Variants in TIAM2 observed in about 807,000 individuals in gnomAD.
TIAM2 encodes TIAM Rac1 associated GEF 2, also known as rho guanine nucleotide exchange factor TIAM2.
In TIAM2, 80 loss-of-function variants were observed where a neutral mutation model predicts 152.9. The observed-to-expected ratio is 0.52, with a 90% confidence interval of 0.44 to 0.63. The LOEUF (loss-of-function observed/expected upper bound fraction) is 0.63, where lower values mean the gene tolerates loss of function less well. TIAM2 is among the 30% of genes least tolerant of loss of function. TIAM2 has a pLI of 0.00. For missense variants in TIAM2, 1,965 were observed against 2,120.1 expected, an observed-to-expected ratio of 0.93 and a Z score of 1.44; for synonymous variants, 804 against 838.0, an observed-to-expected ratio of 0.96 and a Z score of 0.70.
At chr6:155,158,413 A>C (rs1449733170) in intron 7 of TIAM2, among the ~76,000 whole-genome samples, 1 of 152,168 alleles carries the variant, frequency 6.6e-6, no homozygotes, top group Non-Finnish European at 1.5e-5. Flanking sequence ...GTTCCCCTGT[A>C]ATTTTGTTAT....
intron 5 of TIAM2, among the ~76,000 whole-genome samples, chr6:155,143,974 G>T (rs1779768180): frequency 1.3e-5 from 2 of 152,102 alleles, no homozygotes; most frequent in South Asian, 2.1e-4. Flanking sequence ...ATCCCCACAG[G>T]TAGCTAGCTA....
chr6:155,102,090 G>C (rs1278412408), intron 2 of TIAM2, among the ~76,000 whole-genome samples: 1 of 151,850 alleles, frequency 6.6e-6, no homozygotes, highest in Non-Finnish European at 1.5e-5. Context: ...TCTGCCATCT[G>C]GGTTCAAGTG....
At chr6:155,233,385 C>T (rs567613013) in intron 15 of TIAM2, among the ~76,000 whole-genome samples, 87 of 152,058 alleles carry the variant, frequency 5.7e-4, no homozygotes, top group Non-Finnish European at 6.3e-4. Context: ...TTAGAAGGTT[C>T]ATCTGAGTGA....
intron 14 of TIAM2, among the ~76,000 whole-genome samples, chr6:155,194,312 G>T (rs1781282746): frequency 6.6e-6 from 1 of 152,194 alleles, no homozygotes; most frequent in African/African-American, 2.4e-5. Context: ...AGGTGACAAA[G>T]GGTCCACGGA....
At chr6:155,248,780 G>A (rs1415623540) in intron 20 of TIAM2, among the ~76,000 whole-genome samples, 1 of 152,192 alleles carries the variant, frequency 6.6e-6, no homozygotes, top group Non-Finnish European at 1.5e-5. Flanking sequence ...TCCTTAAAGA[G>A]GGGCTTTATT....
chr6:155,219,477 G>A (rs1438123827), intron 15 of TIAM2, among the ~76,000 whole-genome samples: 2 of 152,188 alleles, frequency 1.3e-5, no homozygotes, highest in East Asian at 3.8e-4. Context: ...TGTGGCACCA[G>A]CCCATATGCC....
At chr6:155,247,261 G>T (rs768287917) in intron 19 of TIAM2, among the ~76,000 whole-genome samples, 1 of 152,206 alleles carries the variant, frequency 6.6e-6, no homozygotes. Flanking sequence ...AAAAACACTG[G>T]TTTATTTTCC....
intron 1 of TIAM2, among the ~76,000 whole-genome samples, chr6:155,054,705 C>T (rs1053393655): frequency 2.6e-5 from 4 of 152,046 alleles, no homozygotes; most frequent in Non-Finnish European, 4.4e-5. Context: ...CCTCAGCCTC[C>T]TAGAAGTACA....
rs141221591 is a variant in TIAM2 at position 155,148,140 on chromosome 6, G to A, written c.1834G>A (p.Val612Ile). ...CAGCCAGACAGATCTAGAAAACTGG[G>A]TCACTGCTGTACACTCTGCTTGTGC... Reference protein sequence around the residue: ...ATSQTDLENWVTAVHSACASL... With the variant: ...ATSQTDLENWITAVHSACASL... The change falls in exon 7 of 27, where the codon GTC becomes ATC. Residue 612 changes from valine (V) to isoleucine (I), a missense_variant. By Grantham distance (29) the Val-to-Ile change is conservative. Around this residue, in one of 3 missense-constraint regions of TIAM2, gnomAD observed 1,025 missense variants for 1,119.4 expected, o/e 0.92. Transcript: ENST00000682666. 6.8e-6 allele frequency: 11 copies of A among 1,613,694 alleles called. No individual in the cohort carries two copies. The African/African-American group carries it at 1.2e-4, about 18-fold the overall frequency.
chr6:155,082,119 G>A (rs1288651446), intron 1 of TIAM2, among the ~76,000 whole-genome samples: 5 of 152,114 alleles, frequency 3.3e-5, no homozygotes, highest in African/African-American at 1.2e-4. Flanking sequence ...CGAGGTGGGA[G>A]GATCACTTGA....
rs764025047 is a variant in TIAM2, at chr6:155,124,735, G to A, written c.-117-2755G>A. Among the ~76,000 whole-genome samples the A allele has an allele frequency of 8.5e-5, 13 of 152,252 alleles. No homozygotes were observed. The East Asian group carries it at 2.1e-3, about 25-fold the overall frequency. On this transcript the variant is annotated intron_variant, in intron 2 of 26. Transcript: ENST00000682666. ...AGCAGTTGCTATCCCCTTTTTAGAC[G>A]TGTGACACAGCTGCCTACTAAAAGG...
intron 14 of TIAM2, among the ~76,000 whole-genome samples, chr6:155,207,526 G>A (rs1404345972): frequency 1.3e-5 from 2 of 152,204 alleles, no homozygotes; most frequent in East Asian, 1.9e-4. Flanking sequence ...CTGTCTTGGC[G>A]GATCTCAGGA....
At chr6:155,043,276 G>C (rs1267339420) in intron 1 of TIAM2, among the ~76,000 whole-genome samples, 1 of 152,126 alleles carries the variant, frequency 6.6e-6, no homozygotes, top group East Asian at 1.9e-4. Context: ...CTACACATGA[G>C]AATCGTCTGT....
chr6:155,253,385 A>G (rs576031271), intron 24 of TIAM2: 79 of 269,290 alleles, frequency 2.9e-4, no homozygotes, highest in African/African-American at 1.6e-3. Flanking sequence ...AATTTAGAAT[A>G]TAGCAGAAAA....
chr6:155,229,061 CCT>C (rs1782356979), intron 15 of TIAM2, among the ~76,000 whole-genome samples: 1 of 152,228 alleles, frequency 6.6e-6, no homozygotes, highest in African/African-American at 2.4e-5. Flanking sequence ...CTGCCCACCT[CCT>C]CCCTCTCTGA....
At chr6:155,237,069 A>G (rs1441506970) in intron 15 of TIAM2, among the ~76,000 whole-genome samples, 1 of 152,222 alleles carries the variant, frequency 6.6e-6, no homozygotes, top group African/African-American at 2.4e-5. Context: ...CCTTCCACCT[A>G]TGAGCCTGTA....
chr6:155,075,349 GA>G (rs1196110493), intron 1 of TIAM2, among the ~76,000 whole-genome samples: 2,598 of 137,024 alleles, frequency 0.019, 45 homozygotes, highest in African/African-American at 0.049. Flanking sequence ...ACTTGGGAAT[GA>G]AAAAAAAAAA....
At chr6:155,144,491 TGTCAC>T in intron 5 of TIAM2, 110 bp from the exon 6 acceptor site, 5 of 1,008,114 alleles carry the variant, frequency 5.0e-6, no homozygotes, top group Non-Finnish European at 6.9e-6. Flanking sequence ...ACCATGTTTC[TGTCAC>T]ATGATTGTCT....
chr6:155,095,265 A>G (rs779356101), intron 2 of TIAM2, among the ~76,000 whole-genome samples: 11 of 152,300 alleles, frequency 7.2e-5, no homozygotes, highest in Non-Finnish European at 1.2e-4. Flanking sequence ...CACAGATTGA[A>G]GTTTTAGGAC....
Sources: allele counts gnomAD v4.1 joint callset (sites outside exome capture counted in the v4.1 genomes callset), GRCh38; gene constraint gnomAD v4.1.1; regional missense constraint gnomAD v4.1.1; transcripts MANE v1.5; gene names NCBI Gene and HGNC (gene_info 2026-07-23, HGNC 2026-07-21).